The following NSD1 variants were observed in gnomAD, a reference collection of about 807,000 sequenced individuals.
NSD1 encodes the protein nuclear receptor binding SET domain protein 1, also known as histone-lysine N-methyltransferase, H3 lysine-36 specific.
A neutral mutation model predicts 242.7 loss-of-function variants in NSD1; 26 were observed. The ratio of observed to expected loss-of-function variants is 0.11; its 90% CI spans 0.08 to 0.15. The LOEUF (loss-of-function observed/expected upper bound fraction) is 0.15. NSD1 is among the 10% of genes least tolerant of loss of function. The pLI is 1.00. For missense variants in NSD1, 2,495 were observed against 3,272.8 expected (o/e 0.76, Z 5.80); for synonymous variants, 1,106 against 1,178.1 (o/e 0.94, Z 1.25).
chr5:177,149,773 G>A (rs997987419), intron 2 of NSD1, among the ~76,000 whole-genome samples: 4 of 152,058 alleles, frequency 2.6e-5, no homozygotes, highest in African/African-American at 9.7e-5. Flanking sequence ...ACAGGAGTGG[G>A]AGCTCAGGCG....
At chr5:177,189,914 G>A (rs1172924062) in intron 2 of NSD1, among the ~76,000 whole-genome samples, 3 of 152,110 alleles carry the variant, frequency 2.0e-5, no homozygotes, top group African/African-American at 4.8e-5. Flanking sequence ...AATTAACTTT[G>A]AAGTCGTATT....
intron 5 of NSD1, among the ~76,000 whole-genome samples, chr5:177,217,275 A>T (rs1409471388): frequency 6.6e-6 from 1 of 152,036 alleles, no homozygotes; most frequent in Admixed American, 6.6e-5. Context: ...TGCAAATGTG[A>T]TTGTTTTAAT....
chr5:177,215,384 C>T (rs1278666987), intron 5 of NSD1, among the ~76,000 whole-genome samples: 1 of 151,898 alleles, frequency 6.6e-6, no homozygotes, highest in Non-Finnish European at 1.5e-5. Flanking sequence ...CCATGTTGGC[C>T]AGGCTGGTGT....
At chr5:177,234,271 C>A (rs7702082) in intron 5 of NSD1, among the ~76,000 whole-genome samples, 13,659 of 152,174 alleles carry the variant, frequency 0.09, 2,020 homozygotes, top group African/African-American at 0.31. Context: ...TGACATCGAT[C>A]TGAATCAGAG....
intron 8 of NSD1, among the ~76,000 whole-genome samples, chr5:177,243,786 C>G (rs1047442277): frequency 1.3e-5 from 2 of 151,726 alleles, no homozygotes; most frequent in African/African-American, 4.8e-5. Context: ...TCTGCCTCTC[C>G]AAGTTCAAGC....
intron 14 of NSD1, 129 bp from the exon 15 acceptor site, chr5:177,267,433 C>T: frequency 1.2e-6 from 1 of 804,290 alleles, no homozygotes; most frequent in South Asian, 1.5e-5. Context: ...TTATGTGTCA[C>T]TGATAATGTT....
In NSD1 at chr5:177,293,817, C is replaced by T. The variant is rs1760052457; in HGVS notation, c.6464-15C>T. The T allele has an allele frequency of 1.4e-5, 23 of 1,613,756 alleles. No individual in the cohort carries two copies. The highest frequency in any genetic ancestry group is 1.9e-5 in the Non-Finnish European group (23 of 1,179,960). Reference sequence around the variant, plus strand: ...TCTTTTTTCCTAAACTTTTGATTTACTTCTGTGTTTTCAGGGAAATGGGAA... The same window carrying T: ...TCTTTTTTCCTAAACTTTTGATTTATTTCTGTGTTTTCAGGGAAATGGGAA... On this transcript the variant is annotated splice_polypyrimidine_tract_variant and intron_variant, in intron 22 of 22. Transcript: ENST00000439151.
chr5:177,287,518 C>A (rs895135542), intron 20 of NSD1, among the ~76,000 whole-genome samples: 2 of 152,188 alleles, frequency 1.3e-5, no homozygotes, highest in African/African-American at 4.8e-5. Context: ...CGCCTGTAAT[C>A]CCAGCTACTC....
intron 4 of NSD1, among the ~76,000 whole-genome samples, chr5:177,207,971 C>T (rs1422680306): frequency 6.6e-6 from 1 of 150,876 alleles, no homozygotes; most frequent in African/African-American, 2.4e-5. Context: ...GTTGTGTTAC[C>T]CAGGTTGGTC....
chr5:177,181,509 T>G lies in NSD1; in HGVS notation c.928-10375T>G, dbSNP rs79415127. On this transcript the variant is annotated intron_variant, in intron 2 of 22. Coordinates refer to ENST00000439151, the MANE Select transcript of NSD1 (RefSeq NM_022455.5). ...GGCACAATCTCATCTCACTGCAACCTCCAACTCGCGGGTTCAAGTGATTCT... is the reference window on the plus strand; with the variant it reads ...GGCACAATCTCATCTCACTGCAACCGCCAACTCGCGGGTTCAAGTGATTCT... 7.3e-3 allele frequency among the ~76,000 whole-genome samples: 945 copies of G among 128,962 alleles called. 13 individuals are homozygous for G. The highest frequency in any genetic ancestry group is 0.034 in the East Asian group (127 of 3,714). The allele number at this position is 128,962 out of a possible 152,430, so 84.6% of individuals were successfully genotyped here.
chr5:177,219,402 G>A (rs1192882872), intron 5 of NSD1, among the ~76,000 whole-genome samples: 1 of 151,842 alleles, frequency 6.6e-6, no homozygotes, highest in East Asian at 1.9e-4. Flanking sequence ...AGCCAGGATG[G>A]TCTCGATTTC....
chr5:177,292,019 G>A lies in NSD1; in HGVS notation c.6324G>A (p.Arg2108=), dbSNP rs1395797413. The change falls in exon 22 of 23, where the codon AGG becomes AGA. Residue 2108 remains arginine (R), a synonymous_variant. Coordinates refer to ENST00000439151, the MANE Select transcript of NSD1 (RefSeq NM_022455.5). ...AGAAGAAGCAACAGGGAAAGCGCAG[G>A]ACCCAGGGTGAAATCACAAAGGAGC... ...KFKKKQQGKR[R]TQGEITKERE... 1.1e-5 allele frequency: 18 copies of A among 1,614,122 alleles called. No individual in the cohort carries two copies. The highest frequency in any genetic ancestry group is 1.5e-5 in the Non-Finnish European group (18 of 1,180,006).
intron 12 of NSD1, among the ~76,000 whole-genome samples, chr5:177,255,080 G>A (rs543901701): frequency 2.6e-5 from 4 of 152,030 alleles, no homozygotes; most frequent in Admixed American, 6.6e-5. Flanking sequence ...TAAGGTGGGC[G>A]GATTTTTTAA....
upstream of NSD1, among the ~76,000 whole-genome samples, chr5:177,132,382 G>A (rs1755941368): frequency 6.6e-6 from 1 of 151,156 alleles, no homozygotes; most frequent in Non-Finnish European, 1.5e-5. This position sits in a 1 kb window ranked among gnomAD's most constrained non-coding sequence, Gnocchi z 7.5. Flanking sequence ...CCAGCCCGGC[G>A]CGCACGCACA....
At chr5:177,205,334 T>C (rs1762794638) in intron 4 of NSD1, among the ~76,000 whole-genome samples, 1 of 152,022 alleles carries the variant, frequency 6.6e-6, no homozygotes, top group African/African-American at 2.4e-5. Flanking sequence ...CTGCGCCCAC[T>C]GAGAACCATA....
chr5:177,208,477 A>G (rs577487313), intron 4 of NSD1, among the ~76,000 whole-genome samples: 2 of 140,622 alleles, frequency 1.4e-5, no homozygotes, highest in Admixed American at 6.9e-5. Flanking sequence ...ATCATCTTTA[A>G]CCTTTTTTTC....
intron 5 of NSD1, among the ~76,000 whole-genome samples, chr5:177,232,298 T>G (rs1376002134): frequency 6.6e-6 from 1 of 152,248 alleles, no homozygotes; most frequent in East Asian, 1.9e-4. Context: ...TAGTGCCGAT[T>G]ATATAATATT....
chr5:177,282,678 T>G, intron 19 of NSD1, 97 bp downstream of exon 19: 1 of 953,894 alleles, frequency 1.0e-6, no homozygotes, highest in South Asian at 1.3e-5. Context: ...GTTCCCAAGG[T>G]AGGGTCTTTT....
intron 2 of NSD1, among the ~76,000 whole-genome samples, chr5:177,161,314 C>T (rs1232463185): frequency 1.3e-5 from 2 of 151,814 alleles, no homozygotes; most frequent in Non-Finnish European, 1.5e-5. Context: ...TCAGGAGTTC[C>T]AGGCTGCAGT....
Sources: allele counts gnomAD v4.1 joint callset (sites outside exome capture counted in the v4.1 genomes callset), GRCh38; gene constraint gnomAD v4.1.1; non-coding constraint Gnocchi (gnomAD v3.1); transcripts MANE v1.5; gene names NCBI Gene and HGNC (gene_info 2026-07-23, HGNC 2026-07-21).